The following FHIT variants were observed in gnomAD, a reference collection of about 807,000 sequenced individuals.
FHIT encodes fragile histidine triad diadenosine triphosphatase.
Under a neutral mutation model 17.9 loss-of-function variants are expected in FHIT, and 19 were observed. That is an observed-to-expected ratio of 1.06 (90% CI 0.74 to 1.56). The LOEUF (loss-of-function observed/expected upper bound fraction) is 1.56, where lower values mean the gene tolerates loss of function less well. Ranked by LOEUF, FHIT falls within the 40% of genes most tolerant of loss-of-function variation. The pLI, the probability that FHIT is intolerant of heterozygous loss-of-function variation, is 0.00. For missense variants in FHIT, 248 were observed against 189.2 expected (o/e 1.31, Z -1.82); for synonymous variants, 81 against 69.7 (o/e 1.16, Z -0.81).
chr3:60,855,357 A>G (rs947561334), intron 3 of FHIT, among the ~76,000 whole-genome samples: 4 of 152,166 alleles, frequency 2.6e-5, no homozygotes, highest in Non-Finnish European at 5.9e-5. Flanking sequence ...GTAAAAAGTC[A>G]TAGTTGCAAG....
At chr3:60,558,340 A>G (rs2036814539) in intron 4 of FHIT, among the ~76,000 whole-genome samples, 1 of 151,908 alleles carries the variant, frequency 6.6e-6, no homozygotes, top group African/African-American at 2.4e-5. Context: ...TCAAGCATCA[A>G]TTACCCTTAG....
intron 2 of FHIT, among the ~76,000 whole-genome samples, chr3:61,195,528 T>A (rs991723087): frequency 6.6e-6 from 1 of 152,196 alleles, no homozygotes; most frequent in Non-Finnish European, 1.5e-5. Context: ...ACAGAAGTTC[T>A]CAAACCTGCT....
chr3:60,991,620 C>T (rs1244405883), intron 3 of FHIT, among the ~76,000 whole-genome samples: 1 of 152,132 alleles, frequency 6.6e-6, no homozygotes, highest in Non-Finnish European at 1.5e-5. Context: ...TGAATCCTTG[C>T]TCTGCCATCA....
At chr3:60,459,666 C>T (rs1342624620) in intron 5 of FHIT, among the ~76,000 whole-genome samples, 1 of 152,160 alleles carries the variant, frequency 6.6e-6, no homozygotes, top group East Asian at 1.9e-4. Flanking sequence ...TAGCCTTTTT[C>T]CTCTCCTTCA....
intron 2 of FHIT, among the ~76,000 whole-genome samples, chr3:61,125,979 G>T (rs907989520): frequency 6.6e-6 from 1 of 152,154 alleles, no homozygotes; most frequent in Admixed American, 6.6e-5. Flanking sequence ...ATGGTGAGTT[G>T]CTGCTCAGGG....
rs141352789 is a variant in FHIT at position 59,975,815 on chromosome 3, G to T, written c.279+35556C>A. ...GCAGATCTAGAACTGGCAACGAACTGTAGTAAGCCAAAGAGTGAGGTAGGA... is the reference window on the plus strand; with the variant it reads ...GCAGATCTAGAACTGGCAACGAACTTTAGTAAGCCAAAGAGTGAGGTAGGA... On this transcript the variant is annotated intron_variant, in intron 7 of 9. Coordinates refer to ENST00000492590, the MANE Select transcript of FHIT (RefSeq NM_002012.4). Among the ~76,000 whole-genome samples the T allele has an allele frequency of 2.7e-3, 411 of 152,172 alleles. 2 individuals are homozygous for T. The highest frequency in any genetic ancestry group is 9.0e-3 in the African/African-American group (375 of 41,530).
chr3:60,470,839 G>A (rs531334358), intron 5 of FHIT, among the ~76,000 whole-genome samples: 1 of 152,266 alleles, frequency 6.6e-6, no homozygotes, highest in Non-Finnish European at 1.5e-5. Context: ...AGCCAGCAGG[G>A]CTCTGAGTCT....
rs535688525 is a variant in FHIT at position 60,071,698 on chromosome 3, G to A, written c.104-57546C>T. ...CCCAGACTTAAGGCTGGGGCTCCCCGAAGCTGACTTTCCAGTGATAATAAA... is the reference window on the plus strand; with the variant it reads ...CCCAGACTTAAGGCTGGGGCTCCCCAAAGCTGACTTTCCAGTGATAATAAA... On this transcript the variant is annotated intron_variant, in intron 5 of 9. Transcript: ENST00000492590. Among the ~76,000 whole-genome samples, 204 of 152,270 alleles carry A rather than the reference G, an allele frequency of 1.3e-3. 1 individual carries two copies. Among genetic ancestry groups the A allele is most frequent in the Non-Finnish European group, 2.3e-3 (155 of 68,014 alleles).
intron 5 of FHIT, among the ~76,000 whole-genome samples, chr3:60,492,579 T>C (rs1000887550): frequency 5.3e-5 from 8 of 151,028 alleles, no homozygotes; most frequent in Non-Finnish European, 1.0e-4. Flanking sequence ...TGATCTCGGC[T>C]CACTGCAACC....
intron 2 of FHIT, among the ~76,000 whole-genome samples, chr3:61,098,746 C>T (rs765346079): frequency 1.3e-5 from 2 of 152,070 alleles, no homozygotes; most frequent in Admixed American, 6.6e-5. Flanking sequence ...ATTTGGCTCT[C>T]GGCTTGACTA....
intron 4 of FHIT, among the ~76,000 whole-genome samples, chr3:60,579,275 A>C (rs1384563715): frequency 6.6e-6 from 1 of 152,182 alleles, no homozygotes; most frequent in East Asian, 1.9e-4. Flanking sequence ...TTAGGCAACA[A>C]TTCTTTACTG....
chr3:60,792,255 G>A (rs1700804316), intron 4 of FHIT, among the ~76,000 whole-genome samples: 1 of 152,244 alleles, frequency 6.6e-6, no homozygotes, highest in Non-Finnish European at 1.5e-5. Flanking sequence ...GATGACAGGA[G>A]AGGGCTTTTT....
chr3:59,909,691 T>C (rs1187231260), intron 8 of FHIT, among the ~76,000 whole-genome samples: 1 of 152,210 alleles, frequency 6.6e-6, no homozygotes, highest in Non-Finnish European at 1.5e-5. Context: ...CACACACATG[T>C]ATTTCCCATG....
chr3:61,014,410 A>G (rs1040693572), intron 3 of FHIT, among the ~76,000 whole-genome samples: 1 of 152,040 alleles, frequency 6.6e-6, no homozygotes, highest in Admixed American at 6.6e-5. Flanking sequence ...TACAGCAGCT[A>G]TGATGCTCAA....
Position 60,443,116 on chromosome 3 carries a change from T to C in FHIT, c.103+93744A>G, listed in dbSNP as rs1269373019. Among the ~76,000 whole-genome samples the C allele has an allele frequency of 6.6e-5, 10 of 152,200 alleles. No individual in the cohort carries two copies. The East Asian group carries it at 1.3e-3, about 21-fold the overall frequency. ...TAAGAATGCTTGTGATTTTTGTACA[T>C]TGATTTTGTATCCTGAGACTTTGCT... On this transcript the variant is annotated intron_variant, in intron 5 of 9. Transcript: ENST00000492590.
chr3:60,703,502 A>G (rs1035191679), intron 4 of FHIT, among the ~76,000 whole-genome samples: 2 of 152,236 alleles, frequency 1.3e-5, no homozygotes, highest in Admixed American at 1.3e-4. Context: ...AATTTTTGAA[A>G]TGAAGCCTAT....
chr3:60,173,729 A>G (rs941915590), intron 5 of FHIT, among the ~76,000 whole-genome samples: 1 of 150,768 alleles, frequency 6.6e-6, no homozygotes, highest in Non-Finnish European at 1.5e-5. Context: ...TTCTCAGTGG[A>G]CTCTGTGGGG....
intron 5 of FHIT, among the ~76,000 whole-genome samples, chr3:60,115,411 CAACTT>C (rs1365361075): frequency 6.6e-6 from 1 of 152,078 alleles, no homozygotes; most frequent in Non-Finnish European, 1.5e-5. Context: ...ATAAAATACT[CAACTT>C]CACTATATTC....
chr3:60,048,468 G>C (rs212052), intron 5 of FHIT, among the ~76,000 whole-genome samples: 3 of 152,148 alleles, frequency 2.0e-5, no homozygotes, highest in Admixed American at 6.5e-5. Context: ...GAGTCTCTAC[G>C]ACCGGCCTTA....
Sources: allele counts gnomAD v4.1 joint callset (sites outside exome capture counted in the v4.1 genomes callset), GRCh38; gene constraint gnomAD v4.1.1; transcripts MANE v1.5; gene names NCBI Gene and HGNC (gene_info 2026-07-23, HGNC 2026-07-21).